AGBL1: variants seen among roughly 807,000 people sequenced by gnomAD.
AGBL1 encodes cytosolic carboxypeptidase 4.
In AGBL1, 130 loss-of-function variants were observed where a neutral mutation model predicts 118.9. The observed-to-expected ratio is 1.09, with a 90% CI of 0.95 to 1.26. The LOEUF is 1.26. Among genes scored for constraint, AGBL1 ranks in the 50% most tolerant of loss-of-function variants. The pLI, the probability that AGBL1 is intolerant of heterozygous loss-of-function variation, is 0.00. For missense variants in AGBL1, 1,584 were observed against 1,298.1 expected, an observed-to-expected ratio of 1.22 and a Z score of -3.38; for synonymous variants, 555 against 478.9, an observed-to-expected ratio of 1.16 and a Z score of -2.08.
At chr15:86,385,308 T>C (rs1309078924) in intron 17 of AGBL1, among the ~76,000 whole-genome samples, 1 of 152,166 alleles carries the variant, frequency 6.6e-6, no homozygotes. Flanking sequence ...AAAATAAAAT[T>C]ACTCGTGCGC....
chr15:87,012,025 G>T (rs2081565350), intron 24 of AGBL1, among the ~76,000 whole-genome samples: 1 of 151,936 alleles, frequency 6.6e-6, no homozygotes, highest in Non-Finnish European at 1.5e-5. Flanking sequence ...CTTCTGTTGA[G>T]GTTTATAAAA....
At chr15:86,596,824 T>C (rs1429238256) in intron 21 of AGBL1, among the ~76,000 whole-genome samples, 1 of 152,180 alleles carries the variant, frequency 6.6e-6, no homozygotes, top group Non-Finnish European at 1.5e-5. Flanking sequence ...TTCCTTCTTC[T>C]TTTTCCCCTA....
chr15:86,402,070 C>A (rs900799653), intron 18 of AGBL1, among the ~76,000 whole-genome samples: 1 of 151,986 alleles, frequency 6.6e-6, no homozygotes, highest in Non-Finnish European at 1.5e-5. Context: ...ATTGACTCTA[C>A]CTGTCCATGA....
At chr15:86,584,458 C>A (rs2084217655) in intron 21 of AGBL1, among the ~76,000 whole-genome samples, 1 of 152,076 alleles carries the variant, frequency 6.6e-6, no homozygotes, top group Admixed American at 6.6e-5. Flanking sequence ...TTCCCCATTG[C>A]TTGTTTTTGT....
At chr15:86,115,531 G>T (rs1897699027) in intron 1 of AGBL1, among the ~76,000 whole-genome samples, 1 of 152,148 alleles carries the variant, frequency 6.6e-6, no homozygotes. Flanking sequence ...TGTGATTTTT[G>T]TAAAGGCCGG....
chr15:86,446,335 G>A (rs757857728), intron 18 of AGBL1, among the ~76,000 whole-genome samples: 5 of 152,192 alleles, frequency 3.3e-5, no homozygotes, highest in South Asian at 4.1e-4. Flanking sequence ...CTCTCCAGAC[G>A]CACTGCTCTG....
At position 86,555,455 on chromosome 15, in the gene AGBL1, C is replaced by T. The variant is rs183566980; in HGVS notation, c.2994+918C>T. On this transcript the variant is annotated intron_variant, in intron 21 of 22. Coordinates refer to ENST00000614907, the MANE Select transcript of AGBL1 (RefSeq NM_001386094.1). Reference sequence around the variant, plus strand: ...AGTACAGGGTGTGACAGGCAATGCACATTATCTAACTTCTCATGTAGTCGA... The same window carrying T: ...AGTACAGGGTGTGACAGGCAATGCATATTATCTAACTTCTCATGTAGTCGA... 1.8e-3 allele frequency among the ~76,000 whole-genome samples: 277 copies of T among 152,274 alleles called. 1 individual carries two copies. The highest frequency in any genetic ancestry group is 6.3e-3 in the African/African-American group (262 of 41,550).
At chr15:86,548,098 C>G (rs1194281510) in intron 20 of AGBL1, among the ~76,000 whole-genome samples, 1 of 152,222 alleles carries the variant, frequency 6.6e-6, no homozygotes, top group Non-Finnish European at 1.5e-5. Flanking sequence ...AGGACCCACT[C>G]ATTTTACAGA....
chr15:86,704,492 C>T (rs2086413953), intron 22 of AGBL1, among the ~76,000 whole-genome samples: 1 of 152,168 alleles, frequency 6.6e-6, no homozygotes, highest in East Asian at 1.9e-4. Flanking sequence ...TGAACAGACA[C>T]TTCTCAAGAC....
chr15:86,457,844 G>T (rs2082279800), intron 18 of AGBL1, among the ~76,000 whole-genome samples: 2 of 152,172 alleles, frequency 1.3e-5, no homozygotes, highest in Non-Finnish European at 2.9e-5. Context: ...TCCAGCCGTT[G>T]CTTCTCATAA....
At chr15:86,777,063 T>C (rs1353975018) in intron 22 of AGBL1, among the ~76,000 whole-genome samples, 2 of 152,020 alleles carry the variant, frequency 1.3e-5, no homozygotes, top group African/African-American at 4.8e-5. Flanking sequence ...TGAAATTAAT[T>C]TTTGCATATA....
chr15:86,946,799 A>C (rs2080827616), intron 23 of AGBL1, among the ~76,000 whole-genome samples: 1 of 137,954 alleles, frequency 7.2e-6, no homozygotes, highest in African/African-American at 2.6e-5. Flanking sequence ...AGCCAAAATC[A>C]TGCCATTGCA....
chr15:86,869,240 C>T (rs1194791837), intron 22 of AGBL1, among the ~76,000 whole-genome samples: 1 of 152,094 alleles, frequency 6.6e-6, no homozygotes, highest in Non-Finnish European at 1.5e-5. Context: ...GAGATAGAGA[C>T]ACAAGTATGC....
At chr15:87,011,072 A>T (rs943447604) in intron 24 of AGBL1, among the ~76,000 whole-genome samples, 1 of 152,248 alleles carries the variant, frequency 6.6e-6, no homozygotes, top group African/African-American at 2.4e-5. Flanking sequence ...TATGAGTGAG[A>T]CCATGTCAGC....
intron 6 of AGBL1, among the ~76,000 whole-genome samples, chr15:86,239,705 T>C (rs551633654): frequency 9.2e-5 from 14 of 152,224 alleles, no homozygotes; most frequent in African/African-American, 3.4e-4. Flanking sequence ...TTTAGGGCCC[T>C]GAGAGGGAAC....
rs745458688 is a variant in AGBL1 at position 86,262,793 on chromosome 15, A to T, written c.985A>T (p.Thr329Ser). The change falls in exon 10 of 23, where the codon ACA (threonine) becomes TCA (serine). Residue 329 changes from threonine (T) to serine (S), a missense_variant. Coordinates refer to ENST00000614907, the MANE Select transcript of AGBL1 (RefSeq NM_001386094.1). ...TCCATTTTAGGATGATGACTTGGAA[A>T]CAGACGTGAACAAGCTGAGTTCCAA... is the stretch of plus-strand genomic sequence containing the variant. ...DGKVEDDDLE[T>S]DVNKLSSKPG... 63 of 1,606,286 alleles carry T rather than the reference A, an allele frequency of 3.9e-5. No homozygotes were observed. The highest frequency in any genetic ancestry group is 1.6e-4 in the Middle Eastern group (1 of 6,068).
At chr15:86,191,904 TA>T (rs556032879) in intron 5 of AGBL1, among the ~76,000 whole-genome samples, 22,116 of 135,834 alleles carry the variant, frequency 0.16, 1,810 homozygotes, top group Middle Eastern at 0.28. Context: ...CCCTGTCTCT[TA>T]AAAAAAAAAA....
At chr15:86,440,438 G>C (rs1046079734) in intron 18 of AGBL1, among the ~76,000 whole-genome samples, 21 of 151,126 alleles carry the variant, frequency 1.4e-4, no homozygotes, top group African/African-American at 4.9e-4. Context: ...TGTTATCAAG[G>C]GCTAAATTGA....
intron 23 of AGBL1, among the ~76,000 whole-genome samples, chr15:86,955,441 A>G (rs1463880794): frequency 6.6e-6 from 1 of 152,062 alleles, no homozygotes; most frequent in Non-Finnish European, 1.5e-5. Flanking sequence ...AATTCAACTC[A>G]AGATGGAAGA....
Sources: gnomAD v4.1 joint callset for allele counts (sites outside exome capture counted in the v4.1 genomes callset) on GRCh38, gnomAD v4.1.1 for gene constraint, MANE v1.5 for transcripts, NCBI Gene and HGNC (gene_info 2026-07-23, HGNC 2026-07-21) for gene names.